Variants in PCCA observed in about 807,000 individuals in gnomAD.
PCCA encodes the protein propionyl-CoA carboxylase alpha chain, mitochondrial.
Under a neutral mutation model 101.3 loss-of-function variants are expected in PCCA, and 74 were observed. The ratio of observed to expected loss-of-function variants is 0.73; its 90% CI spans 0.61 to 0.89. PCCA has a LOEUF of 0.89. PCCA is among the 40% of genes least tolerant of loss of function. The pLI is 0.00. For synonymous variants in PCCA, 294 were observed against 313.6 expected (o/e 0.94, Z 0.66); for missense variants, 891 against 907.0 (o/e 0.98, Z 0.23).
intron 6 of PCCA, among the ~76,000 whole-genome samples, chr13:100,165,584 C>G (rs773402280): frequency 1.2e-4 from 18 of 152,168 alleles, no homozygotes; most frequent in Non-Finnish European, 1.9e-4. Context: ...CCAGTAGATT[C>G]TATAATTAAC....
intron 16 of PCCA, among the ~76,000 whole-genome samples, chr13:100,311,126 T>C (rs2066882190): frequency 6.6e-6 from 1 of 151,288 alleles, no homozygotes; most frequent in Non-Finnish European, 1.5e-5. Context: ...CCCCGCTACT[T>C]GGGAGGCTGA....
At position 100,112,050 on chromosome 13, in the gene PCCA, G is replaced by T. The variant is rs769123322; in HGVS notation, c.289G>T (p.Asp97Tyr). 2 of 1,609,712 alleles carry T rather than the reference G, an allele frequency of 1.2e-6. No individual in the cohort carries two copies. The highest frequency in any genetic ancestry group is 1.1e-5 in the South Asian group (1 of 90,910). ...IKTVAIHSDV[D>Y]ASSVHVKMAD... ...GACAGTTGCCATCCACAGTGATGTTGATGCTAGTTCTGTAAGTATATTTTT... is the reference window on the plus strand; with the variant it reads ...GACAGTTGCCATCCACAGTGATGTTTATGCTAGTTCTGTAAGTATATTTTT... The change falls in exon 4 of 24, where the codon GAT becomes TAT. Residue 97 changes from aspartate (D) to tyrosine (Y), a missense_variant. Physicochemically the swap from Asp to Tyr is radical, Grantham distance 160. Transcript: ENST00000376285.
At chr13:100,114,280 A>T (rs928915411) in intron 4 of PCCA, among the ~76,000 whole-genome samples, 1 of 152,192 alleles carries the variant, frequency 6.6e-6, no homozygotes, top group African/African-American at 2.4e-5. Flanking sequence ...TAATTTGATT[A>T]AAAAATGGGC....
At chr13:100,521,678 CT>C (rs969957801) in intron 22 of PCCA, among the ~76,000 whole-genome samples, 2 of 152,134 alleles carry the variant, frequency 1.3e-5, no homozygotes, top group African/African-American at 4.8e-5. Flanking sequence ...TCTGAGATGC[CT>C]TTTTTTGTGA....
At chr13:100,105,589 G>A (rs1345792790) in intron 2 of PCCA, among the ~76,000 whole-genome samples, 1 of 149,734 alleles carries the variant, frequency 6.7e-6, no homozygotes, top group Non-Finnish European at 1.5e-5. Flanking sequence ...AGCACTTTGG[G>A]AGTTTGAGGC....
At chr13:100,289,366 C>G (rs75408198) in intron 12 of PCCA, among the ~76,000 whole-genome samples, 1 of 152,060 alleles carries the variant, frequency 6.6e-6, no homozygotes, top group Non-Finnish European at 1.5e-5. Flanking sequence ...CCAGGCTTGT[C>G]TAGAACTCTT....
intron 1 of PCCA, among the ~76,000 whole-genome samples, chr13:100,091,087 C>T (rs1045762934): frequency 2.0e-5 from 3 of 152,096 alleles, no homozygotes; most frequent in Non-Finnish European, 4.4e-5. Flanking sequence ...CCTACAGAGG[C>T]TCTGATGCAG....
chr13:100,257,278 T>C (rs2062136823), intron 8 of PCCA, among the ~76,000 whole-genome samples: 1 of 152,220 alleles, frequency 6.6e-6, no homozygotes, highest in South Asian at 2.1e-4. Flanking sequence ...ATATCTTTGA[T>C]TACTTAATAC....
chr13:100,121,106 G>A (rs943955502), intron 4 of PCCA, among the ~76,000 whole-genome samples: 5 of 146,130 alleles, frequency 3.4e-5, no homozygotes, highest in African/African-American at 1.3e-4. Context: ...CTGTAAACTT[G>A]CTGAACTCTT....
intron 17 of PCCA, among the ~76,000 whole-genome samples, chr13:100,338,095 A>G (rs1163891822): frequency 6.6e-6 from 1 of 152,214 alleles, no homozygotes; most frequent in Non-Finnish European, 1.5e-5. Context: ...GGAGCTTGTT[A>G]GAAATGCAGA....
chr13:100,448,297 ATTC>A (rs1595937865), intron 20 of PCCA, among the ~76,000 whole-genome samples: 2 of 152,106 alleles, frequency 1.3e-5, no homozygotes, highest in East Asian at 3.9e-4. Flanking sequence ...GGTCCAAGCA[ATTC>A]TTCTGCCTTG....
At chr13:100,198,647 C>T (rs1391618509) in intron 6 of PCCA, among the ~76,000 whole-genome samples, 3 of 152,028 alleles carry the variant, frequency 2.0e-5, no homozygotes, top group Non-Finnish European at 4.4e-5. Flanking sequence ...AACAGGTGCA[C>T]ACCACCATGC....
At chr13:100,331,935 T>TG (rs2069657745) in intron 17 of PCCA, among the ~76,000 whole-genome samples, 1 of 22,590 alleles carries the variant, frequency 4.4e-5, no homozygotes, top group Non-Finnish European at 1.0e-4. Context: ...TTACTTTGGA[T>TG]TTTTTTTTTT....
At chr13:100,436,456 C>T (rs921947024) in intron 20 of PCCA, among the ~76,000 whole-genome samples, 3 of 152,122 alleles carry the variant, frequency 2.0e-5, no homozygotes, top group South Asian at 2.1e-4. Context: ...ATTGACTGTC[C>T]GATTTCCCAT....
chr13:100,521,476 T>G (rs912891509), intron 22 of PCCA, among the ~76,000 whole-genome samples: 3 of 152,234 alleles, frequency 2.0e-5, no homozygotes, highest in African/African-American at 7.2e-5. Context: ...TTGATGATGG[T>G]TCCATCCTTG....
intron 19 of PCCA, among the ~76,000 whole-genome samples, chr13:100,371,287 T>G (rs893880482): frequency 1.3e-5 from 2 of 152,210 alleles, no homozygotes; most frequent in Admixed American, 6.5e-5. Context: ...TATGTAAATT[T>G]TAGGCAAAGC....
chr13:100,476,055 C>T (rs925912232), intron 21 of PCCA, among the ~76,000 whole-genome samples: 2 of 152,026 alleles, frequency 1.3e-5, no homozygotes, highest in African/African-American at 2.4e-5. Context: ...GAGATGATTT[C>T]GATATGAAGC....
chr13:100,140,189 T>C (rs532522889), intron 4 of PCCA, among the ~76,000 whole-genome samples: 1 of 152,314 alleles, frequency 6.6e-6, no homozygotes, highest in African/African-American at 2.4e-5. Flanking sequence ...TGAGGTTTTA[T>C]TACCTTGCTC....
At chr13:100,270,148 G>A (rs113705472) in intron 11 of PCCA, among the ~76,000 whole-genome samples, 1 of 152,332 alleles carries the variant, frequency 6.6e-6, no homozygotes, top group African/African-American at 2.4e-5. Context: ...ATGTAAGAAG[G>A]GAGGAAGAAG....
Sources: gnomAD v4.1 joint callset for allele counts (sites outside exome capture counted in the v4.1 genomes callset) on GRCh38, gnomAD v4.1.1 for gene constraint, MANE v1.5 for transcripts, NCBI Gene and HGNC (gene_info 2026-07-23, HGNC 2026-07-21) for gene names.